Variants in STOX2 observed in about 807,000 individuals in gnomAD.
The protein encoded by STOX2 is storkhead-box protein 2.
Under a neutral mutation model 60.9 loss-of-function variants are expected in STOX2, and 28 were observed. That is an observed-to-expected ratio of 0.46 (90% CI 0.34 to 0.63). STOX2 has a LOEUF of 0.63. Among genes scored for constraint, STOX2 ranks in the 30% least tolerant of loss-of-function variants. STOX2 has a pLI of 0.01. For missense variants in STOX2, 1,024 were observed against 1,187.7 expected (o/e 0.86, Z 2.03); for synonymous variants, 472 against 463.9 (o/e 1.02, Z -0.22).
chr4:183,941,295 C>T (rs750307498), intron 1 of STOX2, among the ~76,000 whole-genome samples: 7 of 152,100 alleles, frequency 4.6e-5, no homozygotes, highest in African/African-American at 9.7e-5. Flanking sequence ...TGGCCAGGCA[C>T]GGTGGCTCAC....
chr4:183,819,532 G>A (rs188989645), intron 1 of STOX2, among the ~76,000 whole-genome samples: 7 of 143,430 alleles, frequency 4.9e-5, no homozygotes, highest in South Asian at 2.4e-4. Context: ...GAGGGAGACC[G>A]TGGAAAGAGA....
At chr4:183,850,217 C>T (rs973896782) in intron 1 of STOX2, among the ~76,000 whole-genome samples, 1 of 151,762 alleles carries the variant, frequency 6.6e-6, no homozygotes, top group Non-Finnish European at 1.5e-5. Flanking sequence ...AGGTGATCTG[C>T]CTGCCTCGGC....
intron 1 of STOX2, among the ~76,000 whole-genome samples, chr4:183,859,489 G>A (rs1369625317): frequency 6.6e-6 from 1 of 152,230 alleles, no homozygotes; most frequent in Non-Finnish European, 1.5e-5. Flanking sequence ...TGGCAGAGGG[G>A]ACTGGGGGCA....
intron 1 of STOX2, among the ~76,000 whole-genome samples, chr4:183,991,731 A>T (rs556729888): frequency 5.3e-5 from 8 of 152,256 alleles, no homozygotes; most frequent in African/African-American, 1.7e-4. Flanking sequence ...GCCAGGGAAG[A>T]TATTTTTAAT....
At chr4:183,966,702 A>C (rs535432782) in intron 1 of STOX2, among the ~76,000 whole-genome samples, 134 of 152,338 alleles carry the variant, frequency 8.8e-4, no homozygotes, top group African/African-American at 2.9e-3. Context: ...CTTTAGCATG[A>C]GTGCTTAAAT....
intron 1 of STOX2, among the ~76,000 whole-genome samples, chr4:183,929,938 A>C (rs925521631): frequency 5.9e-5 from 9 of 152,056 alleles, no homozygotes; most frequent in Non-Finnish European, 8.8e-5. Context: ...ATCTCGGCTC[A>C]CTGCAAGCTC....
intron 1 of STOX2, among the ~76,000 whole-genome samples, chr4:183,872,515 A>C (rs1157328423): frequency 1.3e-5 from 2 of 152,256 alleles, no homozygotes; most frequent in Non-Finnish European, 2.9e-5. Flanking sequence ...AAGTGTGTTT[A>C]AAAATGTAAA....
intron 1 of STOX2, among the ~76,000 whole-genome samples, chr4:183,808,215 A>G (rs575201490): frequency 6.6e-6 from 1 of 152,330 alleles, no homozygotes; most frequent in Admixed American, 6.5e-5. Flanking sequence ...CCAGTTCTCT[A>G]TCTCATCGGT....
intron 1 of STOX2, among the ~76,000 whole-genome samples, chr4:183,851,569 G>C: frequency 9.9e-6 from 1 of 100,796 alleles, no homozygotes; most frequent in African/African-American, 4.2e-5. Context: ...ATGAGGGAAA[G>C]GATGAGAGAA....
intron 1 of STOX2, among the ~76,000 whole-genome samples, chr4:183,997,132 C>T (rs2111217340): frequency 6.6e-6 from 1 of 152,274 alleles, no homozygotes; most frequent in South Asian, 2.1e-4. Context: ...CACATGCACA[C>T]ATGCAGGGAG....
At chr4:183,945,371 C>T (rs1742859495) in intron 1 of STOX2, among the ~76,000 whole-genome samples, 1 of 152,028 alleles carries the variant, frequency 6.6e-6, no homozygotes, top group African/African-American at 2.4e-5. Context: ...ATACCCATTC[C>T]TTGGTGAGAG....
Position 183,906,668 on chromosome 4 carries a change from G to C in STOX2, c.-123G>C. 1.8e-6 allele frequency: 2 copies of C among 1,109,510 alleles called. No individual in the cohort carries two copies. The highest frequency in any genetic ancestry group is 2.5e-6 in the Non-Finnish European group (2 of 807,570). The allele number at this position is 1,109,510 out of a possible 1,614,324, so 68.7% of individuals were successfully genotyped here. A position where few individuals can be genotyped will look rare whatever the true frequency, so the allele number is the denominator to read the frequency against. ...CGCTGGCGGTGTAGACGCCGACGAG[G>C]AGGGGCTGGGAAAATGTGCGCAGAG... On this transcript the variant is annotated 5_prime_UTR_variant, in exon 1 of 4. Coordinates refer to ENST00000308497, the MANE Select transcript of STOX2 (RefSeq NM_020225.3).
At chr4:183,937,887 C>T (rs1579440778) in intron 1 of STOX2, among the ~76,000 whole-genome samples, 1 of 152,292 alleles carries the variant, frequency 6.6e-6, no homozygotes, top group East Asian at 1.9e-4. Flanking sequence ...GTGCTCATGC[C>T]TGTAAATCCT....
intron 1 of STOX2, among the ~76,000 whole-genome samples, chr4:183,952,873 T>C (rs1188257731): frequency 1.3e-5 from 2 of 151,876 alleles, no homozygotes; most frequent in Non-Finnish European, 1.5e-5. Flanking sequence ...AAAGGATGAG[T>C]TCATGTCCTT....
chr4:183,934,653 C>G (rs972718235), intron 1 of STOX2, among the ~76,000 whole-genome samples: 1 of 152,136 alleles, frequency 6.6e-6, no homozygotes, highest in Non-Finnish European at 1.5e-5. Context: ...TTGTCAGCCT[C>G]AACGAGCCTC....
At chr4:183,888,606 C>T (rs1037093984) in intron 1 of STOX2, among the ~76,000 whole-genome samples, 12 of 152,158 alleles carry the variant, frequency 7.9e-5, no homozygotes, top group African/African-American at 2.9e-4. Flanking sequence ...CTAATTGGGA[C>T]CTGGATTAAT....
intron 1 of STOX2, among the ~76,000 whole-genome samples, chr4:183,861,634 G>A (rs1740449406): frequency 6.6e-6 from 1 of 152,092 alleles, no homozygotes; most frequent in Non-Finnish European, 1.5e-5. Context: ...CCTGGGCGCC[G>A]CAGCTTCTTC....
At chr4:183,842,747 G>T (rs1313144402) in intron 1 of STOX2, among the ~76,000 whole-genome samples, 2 of 152,008 alleles carry the variant, frequency 1.3e-5, no homozygotes, top group Non-Finnish European at 2.9e-5. Context: ...GTTCATAATG[G>T]TTCCTTTTCA....
At chr4:183,816,409 A>G (rs1414951372) in intron 1 of STOX2, among the ~76,000 whole-genome samples, 1 of 152,256 alleles carries the variant, frequency 6.6e-6, no homozygotes, top group African/African-American at 2.4e-5. Context: ...CAGAAAGTTA[A>G]TATCATATGT....
Sources: gnomAD v4.1 joint callset for allele counts (sites outside exome capture counted in the v4.1 genomes callset) on GRCh38, gnomAD v4.1.1 for gene constraint, MANE v1.5 for transcripts, NCBI Gene and HGNC (gene_info 2026-07-23, HGNC 2026-07-21) for gene names.